The following C2CD3 variants were observed in gnomAD, a reference collection of about 807,000 sequenced individuals.
The protein encoded by C2CD3 is C2 domain containing 3 centriole elongation regulator, also known as C2 domain-containing protein 3.
In C2CD3, 148 loss-of-function variants were observed where a neutral mutation model predicts 234.0. The ratio of observed to expected loss-of-function variants is 0.63; its 90% CI spans 0.55 to 0.72. The LOEUF is 0.72. Among genes scored for constraint, C2CD3 ranks in the 30% least tolerant of loss-of-function variants. The probability of loss-of-function intolerance (pLI) is 0.00; values close to 1 mark genes in which losing one functional copy is unlikely to be tolerated. For synonymous variants in C2CD3, 1,000 were observed against 1,035.4 expected (o/e 0.97, Z 0.66); for missense variants, 2,577 against 2,811.5 (o/e 0.92, Z 1.89).
At chr11:74,024,783 C>G (rs563495997) in intron 32 of C2CD3, among the ~76,000 whole-genome samples, 9 of 152,042 alleles carry the variant, frequency 5.9e-5, no homozygotes, top group Non-Finnish European at 1.3e-4. Context: ...CAGCCAGGAG[C>G]GTAAGATTCT....
chr11:74,128,334 G>C (rs1957486000), intron 7 of C2CD3, among the ~76,000 whole-genome samples: 1 of 151,778 alleles, frequency 6.6e-6, no homozygotes, highest in African/African-American at 2.4e-5. Context: ...CCCTTTCTGT[G>C]GTGTCTTCTC....
chr11:74,015,064 T>C (rs1432146722), intron 32 of C2CD3, among the ~76,000 whole-genome samples: 1 of 152,188 alleles, frequency 6.6e-6, no homozygotes, highest in African/African-American at 2.4e-5. Context: ...CCTTCCAAAA[T>C]ACAGGAAGCA....
At chr11:74,014,694 TG>T (rs1951815731) in intron 32 of C2CD3, among the ~76,000 whole-genome samples, 1 of 152,230 alleles carries the variant, frequency 6.6e-6, no homozygotes, top group Admixed American at 6.5e-5. Context: ...AGTTAAGCCC[TG>T]GAGGCAGAGA....
chr11:74,156,407 G>C (rs1856021614), intron 3 of C2CD3, among the ~76,000 whole-genome samples: 1 of 138,526 alleles, frequency 7.2e-6, no homozygotes, highest in African/African-American at 2.8e-5. Flanking sequence ...AGCCAAGTCA[G>C]TTGAGATTGC....
At chr11:74,121,619 A>G (rs1957219097) in intron 8 of C2CD3, among the ~76,000 whole-genome samples, 1 of 133,122 alleles carries the variant, frequency 7.5e-6, no homozygotes. Context: ...AAAAAAAAAA[A>G]AAAAAAAAAA....
rs1565348280 is a variant in C2CD3 at position 74,150,524 on chromosome 11, A to AC, written c.484-10697_484-10696insG. ...AAAAAAAAAAAAAAAAACAAAAAAA[A>AC]AACAAAACAAATTTCTAAGCTTTTT... is the stretch of plus-strand genomic sequence containing the variant. On this transcript the variant is annotated intron_variant, in intron 3 of 32. Transcript: ENST00000334126. Among the ~76,000 whole-genome samples, 12 of 59,778 alleles carry AC rather than the reference A, an allele frequency of 2.0e-4. 1 individual carries two copies. The highest frequency in any genetic ancestry group is 5.4e-4 in the African/African-American group (7 of 13,032). 39.2% of individuals were successfully genotyped at this position (59,778 alleles called of 152,430 possible).
At chr11:74,089,416 T>C in intron 20 of C2CD3, among the ~76,000 whole-genome samples, 1 of 152,206 alleles carries the variant, frequency 6.6e-6, no homozygotes, top group East Asian at 1.9e-4. Flanking sequence ...CACTAAGATG[T>C]TCTTGGGCAG....
chr11:74,078,091 AGTTGAAT>A lies in C2CD3; in HGVS notation c.4603+17_4603+23del. 6.3e-7 allele frequency: 1 copy of A among 1,599,742 alleles called. No individual in the cohort carries two copies. Reference sequence around the variant, plus strand: ...ACAGAGCAGGTGCTCAAACTACAAGAGTTGAATCAGGCTCCTCACTTACCACTGACAG... The same window carrying A: ...ACAGAGCAGGTGCTCAAACTACAAGACAGGCTCCTCACTTACCACTGACAG... On this transcript the variant is annotated intron_variant, in intron 23 of 32. Coordinates refer to ENST00000334126, the MANE Select transcript of C2CD3 (RefSeq NM_001286577.2).
At chr11:74,084,374 T>C (rs1227294610) in intron 22 of C2CD3, among the ~76,000 whole-genome samples, 1 of 151,266 alleles carries the variant, frequency 6.6e-6, no homozygotes, top group Non-Finnish European at 1.5e-5. Flanking sequence ...ATGGCACACG[T>C]ATCCCTATGT....
At chr11:74,048,396 GCAGTAT>G in intron 27 of C2CD3, 58 bp from the exon 28 acceptor site, 1 of 1,564,988 alleles carries the variant, frequency 6.4e-7, no homozygotes, top group South Asian at 1.1e-5. Context: ...TCGTAACAAA[GCAGTAT>G]ATAAATAAGT....
At chr11:74,102,595 G>A (rs1280638538) in intron 14 of C2CD3, among the ~76,000 whole-genome samples, 2 of 152,132 alleles carry the variant, frequency 1.3e-5, no homozygotes, top group African/African-American at 4.8e-5. Context: ...GAAGTACTGG[G>A]GTTACCACCC....
At chr11:74,036,599 C>G in intron 30 of C2CD3, 1 of 433,928 alleles carries the variant, frequency 2.3e-6, no homozygotes. Context: ...CTACACATTT[C>G]GCTCAAGCAA....
chr11:74,155,856 A>AT (rs1438716905), intron 3 of C2CD3, among the ~76,000 whole-genome samples: 2 of 152,130 alleles, frequency 1.3e-5, no homozygotes, highest in Non-Finnish European at 2.9e-5. Flanking sequence ...AAAAGGGTGA[A>AT]TTGGCTGGGT....
intron 3 of C2CD3, among the ~76,000 whole-genome samples, chr11:74,153,916 CAT>C (rs1191339514): frequency 2.6e-5 from 4 of 151,378 alleles, no homozygotes; most frequent in African/African-American, 9.7e-5. Flanking sequence ...AATAGACTCA[CAT>C]ATATATAATC....
At chr11:74,125,241 T>C (rs1341953610) in intron 7 of C2CD3, among the ~76,000 whole-genome samples, 1 of 152,184 alleles carries the variant, frequency 6.6e-6, no homozygotes, top group Non-Finnish European at 1.5e-5. Flanking sequence ...CATAGCTCAC[T>C]GAAGCCTCGA....
At chr11:74,054,182 G>C (rs1234242240) in intron 26 of C2CD3, among the ~76,000 whole-genome samples, 1 of 151,272 alleles carries the variant, frequency 6.6e-6, no homozygotes, top group East Asian at 2.0e-4. Flanking sequence ...TGAGGCAGGA[G>C]AATGGCGTGA....
chr11:74,111,786 C>T (rs373156756), intron 11 of C2CD3, among the ~76,000 whole-genome samples: 16 of 151,522 alleles, frequency 1.1e-4, no homozygotes, highest in African/African-American at 3.2e-4. Flanking sequence ...GATTTTTTTG[C>T]GATTTTTTTT....
At chr11:74,110,702 TTC>T (rs1186269866) in intron 11 of C2CD3, 3 of 152,270 alleles carry the variant, frequency 2.0e-5, no homozygotes. Context: ...TCTTATATAA[TTC>T]TGTTTCTTAG....
rs563406998 is a variant in C2CD3 at position 74,039,378 on chromosome 11, T to C, written c.5661-1680A>G. On this transcript the variant is annotated intron_variant, in intron 29 of 32. Coordinates refer to ENST00000334126, the MANE Select transcript of C2CD3 (RefSeq NM_001286577.2). ...AATCCAAGGAGGTTATGCAAATTGA[T>C]CTCACCTTGTTTCGCGCCCATTTGG... 3.9e-5 allele frequency among the ~76,000 whole-genome samples: 6 copies of C among 152,314 alleles called. No homozygotes were observed. In the East Asian group the frequency reaches 1.2e-3, roughly 29 times the overall value.
Sources: allele counts gnomAD v4.1 joint callset (sites outside exome capture counted in the v4.1 genomes callset), GRCh38; gene constraint gnomAD v4.1.1; transcripts MANE v1.5; gene names NCBI Gene and HGNC (gene_info 2026-07-23, HGNC 2026-07-21).